The following C4orf51 variants were observed in gnomAD, a reference collection of about 807,000 sequenced individuals.
C4orf51 encodes chromosome 4 open reading frame 51.
C4orf51 carries 25 observed loss-of-function variants against 25.2 expected under a neutral mutation model. The ratio of observed to expected loss-of-function variants is 0.99; its 90% confidence interval spans 0.72 to 1.39. C4orf51 has a LOEUF of 1.39. Among genes scored for constraint, C4orf51 ranks in the 40% most tolerant of loss-of-function variants. C4orf51 has a pLI of 0.00. For missense variants in C4orf51, 252 were observed against 239.6 expected (o/e 1.05, Z -0.34); for synonymous variants, 100 against 84.5 (o/e 1.18, Z -1.01).
At chr4:145,733,067 G>C (rs1310604644), downstream of C4orf51, among the ~76,000 whole-genome samples, 1 of 152,146 alleles carries the variant, frequency 6.6e-6, no homozygotes, top group African/African-American at 2.4e-5. Flanking sequence ...CGGCGGGCTC[G>C]CGAGCTCAGG....
chr4:145,695,108 T>G (rs562504119), intron 1 of C4orf51, among the ~76,000 whole-genome samples: 1 of 152,308 alleles, frequency 6.6e-6, no homozygotes, highest in South Asian at 2.1e-4. Flanking sequence ...TACCCAGTAA[T>G]GGGATCACTG....
rs185405903 is a variant in C4orf51 at position 145,698,958 on chromosome 4, C to T, written c.307+2326C>T. ...CCCCACCTTAACTGATGACATTCCACCACAAAAAGAAGTGTAAATGGCCGG... is the reference window on the plus strand; with the variant it reads ...CCCCACCTTAACTGATGACATTCCATCACAAAAAGAAGTGTAAATGGCCGG... On this transcript the variant is annotated intron_variant, in intron 2 of 5. Coordinates refer to ENST00000438731, the MANE Select transcript of C4orf51 (RefSeq NM_001080531.3). Among the ~76,000 whole-genome samples, 1,301 of 152,078 alleles carry T rather than the reference C, an allele frequency of 8.6e-3. 8 individuals are homozygous for T. Among genetic ancestry groups the T allele is most frequent in the Non-Finnish European group, 0.014 (935 of 68,002 alleles).
intron 2 of C4orf51, among the ~76,000 whole-genome samples, chr4:145,721,910 C>T (rs756849381): frequency 6.6e-6 from 1 of 152,162 alleles, no homozygotes; most frequent in Non-Finnish European, 1.5e-5. Context: ...AAAGGTGAAG[C>T]ATTATTTTTA....
rs184165987 is a variant in C4orf51, at chr4:145,729,492, G to A, written c.427+263G>A. ...AATTTTTTGTATTTTTAGTAGAGAC[G>A]GGGTTTCACCGTGTTAGCCAGGATG... On this transcript the variant is annotated intron_variant, in intron 4 of 5. Transcript: ENST00000438731. Among the ~76,000 whole-genome samples, 135 of 151,926 alleles carry A rather than the reference G, an allele frequency of 8.9e-4. No homozygotes were observed. In the East Asian group the frequency reaches 0.022, roughly 25 times the overall value.
chr4:145,690,421 C>T (rs983327672), intron 1 of C4orf51, among the ~76,000 whole-genome samples: 4 of 151,914 alleles, frequency 2.6e-5, no homozygotes, highest in African/African-American at 9.7e-5. Flanking sequence ...AGGAGAATGG[C>T]GTGAACCCGG....
chr4:145,737,283 CAT>C (rs1732857397), downstream of C4orf51, among the ~76,000 whole-genome samples: 1 of 152,138 alleles, frequency 6.6e-6, no homozygotes, highest in African/African-American at 2.4e-5. Context: ...CCTCTTAAAA[CAT>C]ATTTTTGTAG....
intron 2 of C4orf51, among the ~76,000 whole-genome samples, chr4:145,717,048 A>G (rs1005101892): frequency 3.3e-5 from 5 of 152,234 alleles, no homozygotes; most frequent in African/African-American, 9.6e-5. Flanking sequence ...GTGACAGCAC[A>G]TCTGATCTGA....
intron 2 of C4orf51, among the ~76,000 whole-genome samples, chr4:145,721,843 C>T (rs1340657376): frequency 6.6e-6 from 1 of 152,172 alleles, no homozygotes; most frequent in Non-Finnish European, 1.5e-5. Context: ...CTTATATGAA[C>T]AAACCATGTG....
chr4:145,790,257 G>A, the C4orf51 span, among the ~76,000 whole-genome samples: 2 of 152,054 alleles, frequency 1.3e-5, no homozygotes, highest in South Asian at 4.1e-4. Flanking sequence ...GCAGATATAA[G>A]AATTTCCTCT....
Position 145,695,566 on chromosome 4 carries a change from TTGTC to T in C4orf51, c.234-989_234-986del, listed in dbSNP as rs571956473. On this transcript the variant is annotated intron_variant, in intron 1 of 5. Transcript: ENST00000438731. ...CTGTTGGTTTATCCTCTTCTGTAGGTTGTCTGTTTCTTTGCTGTGCAGAAGCTCT... is the reference window on the plus strand; with the variant it reads ...CTGTTGGTTTATCCTCTTCTGTAGGTTGTTTCTTTGCTGTGCAGAAGCTCT... 2.3e-3 allele frequency among the ~76,000 whole-genome samples: 346 copies of T among 152,322 alleles called. 2 individuals are homozygous for T. Among genetic ancestry groups the T allele is most frequent in the African/African-American group, 7.9e-3 (329 of 41,578 alleles).
the C4orf51 span, among the ~76,000 whole-genome samples, chr4:145,778,414 G>A: frequency 2.6e-5 from 4 of 152,300 alleles, no homozygotes; most frequent in African/African-American, 4.8e-5. Context: ...GATTATAGGC[G>A]TGAGCCATCG....
At chr4:145,726,379 A>G (rs566544549) in intron 2 of C4orf51, among the ~76,000 whole-genome samples, 1 of 152,192 alleles carries the variant, frequency 6.6e-6, no homozygotes, top group Non-Finnish European at 1.5e-5. Flanking sequence ...GATATTTCAA[A>G]TAAAAAAAGA....
chr4:145,760,792 G>C, intron 1 of C4orf51: 1 of 1,171,926 alleles, frequency 8.5e-7, no homozygotes, highest in Non-Finnish European at 1.1e-6. Flanking sequence ...GACAGTCTCT[G>C]CTCTTTCTCT....
downstream of C4orf51, among the ~76,000 whole-genome samples, chr4:145,737,463 T>C (rs1732865808): frequency 6.6e-6 from 1 of 152,210 alleles, no homozygotes. Flanking sequence ...CATGAATAAG[T>C]TCTTCTTTAC....
At chr4:145,727,922 T>TATAA (rs1234382844) in intron 3 of C4orf51, among the ~76,000 whole-genome samples, 11 of 96,932 alleles carry the variant, frequency 1.1e-4, no homozygotes, top group Admixed American at 5.1e-4. Flanking sequence ...TATATATATA[T>TATAA]AAAATATATT....
intron 1 of C4orf51, among the ~76,000 whole-genome samples, chr4:145,684,673 T>G (rs186347786): frequency 5.3e-4 from 80 of 152,228 alleles, no homozygotes; most frequent in Non-Finnish European, 3.7e-4. Flanking sequence ...GGGATGTTGA[T>G]AGTGGGGAGG....
At position 145,741,212 on chromosome 4, in the gene C4orf51, A is replaced by T. The variant is rs566354500; in HGVS notation, n.167+8593A>T. Among the ~76,000 whole-genome samples the T allele has an allele frequency of 8.5e-5, 13 of 152,348 alleles. No individual in the cohort carries two copies. In the South Asian group the frequency reaches 2.7e-3, roughly 32 times the overall value. The stretch of plus-strand genomic sequence containing the variant: ...AGTCTGGGGCTCTCTGGCCGTATCC[A>T]TCATGTTTTCTTAGAGGCTGATCAT... On this transcript the variant is annotated intron_variant and non_coding_transcript_variant, in intron 1 of 1. Coordinates refer to the C4orf51 transcript ENST00000508981.
chr4:145,718,150 A>G (rs1416941564), intron 2 of C4orf51, among the ~76,000 whole-genome samples: 1 of 152,192 alleles, frequency 6.6e-6, no homozygotes, highest in African/African-American at 2.4e-5. Context: ...GAACCTTGCA[A>G]AAGAGTGCAC....
the C4orf51 span, among the ~76,000 whole-genome samples, chr4:145,780,880 G>A: frequency 1.3e-5 from 2 of 152,340 alleles, no homozygotes; most frequent in East Asian, 3.9e-4. Context: ...ATGGTGGTAA[G>A]AACTTCTCCT....
Sources: allele counts gnomAD v4.1 joint callset (sites outside exome capture counted in the v4.1 genomes callset), GRCh38; gene constraint gnomAD v4.1.1; transcripts MANE v1.5; gene names NCBI Gene and HGNC (gene_info 2026-07-23, HGNC 2026-07-21).